The following KCNK13 variants were observed in gnomAD, a reference collection of about 807,000 sequenced individuals.
KCNK13 encodes potassium channel subfamily K member 13.
Under a neutral mutation model 23.4 loss-of-function variants are expected in KCNK13, and 12 were observed. The ratio of observed to expected loss-of-function variants is 0.51; its 90% CI spans 0.33 to 0.83. KCNK13 has a LOEUF of 0.83. Among genes scored for constraint, KCNK13 ranks in the 40% least tolerant of loss-of-function variants. KCNK13 has a pLI of 0.02. For missense variants in KCNK13, 463 were observed against 556.3 expected, an observed-to-expected ratio of 0.83 and a Z score of 1.69; for synonymous variants, 231 against 229.5, an observed-to-expected ratio of 1.01 and a Z score of -0.06.
At chr14:90,178,633 A>G (rs1197153818) in intron 1 of KCNK13, among the ~76,000 whole-genome samples, 1 of 152,114 alleles carries the variant, frequency 6.6e-6, no homozygotes, top group Non-Finnish European at 1.5e-5. Context: ...AAAATATCTC[A>G]TGATACACCT....
intron 1 of KCNK13, among the ~76,000 whole-genome samples, chr14:90,137,572 C>T (rs952405822): frequency 6.6e-6 from 1 of 152,140 alleles, no homozygotes; most frequent in Non-Finnish European, 1.5e-5. Context: ...CCACCCACCT[C>T]GGCCTCCCAA....
chr14:90,129,221 T>G (rs910285439), intron 1 of KCNK13, among the ~76,000 whole-genome samples: 5 of 152,222 alleles, frequency 3.3e-5, no homozygotes, highest in Admixed American at 6.5e-5. Context: ...TGCTATCATA[T>G]GAATATTCCA....
At chr14:90,064,667 G>A (rs942627132) in intron 1 of KCNK13, among the ~76,000 whole-genome samples, 3 of 152,134 alleles carry the variant, frequency 2.0e-5, no homozygotes, top group Non-Finnish European at 2.9e-5. Flanking sequence ...TGCTCCCTCC[G>A]TCTGCGTAAG....
At chr14:90,116,791 A>C (rs1319510457) in intron 1 of KCNK13, among the ~76,000 whole-genome samples, 1 of 152,188 alleles carries the variant, frequency 6.6e-6, no homozygotes. Context: ...GTTGCAAGCA[A>C]ATGCGCTCAT....
intron 1 of KCNK13, among the ~76,000 whole-genome samples, chr14:90,170,324 C>T (rs1890350429): frequency 6.6e-6 from 1 of 152,142 alleles, no homozygotes; most frequent in African/African-American, 2.4e-5. Context: ...GGTGATTCTC[C>T]TGCCTCAGCC....
intron 1 of KCNK13, among the ~76,000 whole-genome samples, chr14:90,076,559 G>A (rs371350419): frequency 2.6e-5 from 4 of 151,966 alleles, no homozygotes; most frequent in African/African-American, 7.3e-5. Context: ...TCTCATTGGC[G>A]CAAACCATGT....
At chr14:90,108,086 G>A in intron 1 of KCNK13, 2 of 483,770 alleles carry the variant, frequency 4.1e-6, no homozygotes, top group South Asian at 2.4e-5. Flanking sequence ...GAATTTGGGG[G>A]GCACAAACAG....
At chr14:90,079,597 T>G (rs1206471942) in intron 1 of KCNK13, among the ~76,000 whole-genome samples, 1 of 151,814 alleles carries the variant, frequency 6.6e-6, no homozygotes, top group Non-Finnish European at 1.5e-5. Context: ...GCTCAAGGGG[T>G]TTAGAGGAAT....
intron 1 of KCNK13, among the ~76,000 whole-genome samples, chr14:90,124,073 T>C (rs1889769085): frequency 1.3e-5 from 2 of 152,220 alleles, no homozygotes; most frequent in Admixed American, 6.5e-5. Context: ...GCTGCTTTCA[T>C]TATCCTACAC....
At chr14:90,132,917 C>T (rs1889892319) in intron 1 of KCNK13, among the ~76,000 whole-genome samples, 1 of 152,190 alleles carries the variant, frequency 6.6e-6, no homozygotes, top group Non-Finnish European at 1.5e-5. Flanking sequence ...ACCTTTCCTG[C>T]CTTGCCTCAC....
At chr14:90,172,485 G>A (rs1359319949) in intron 1 of KCNK13, among the ~76,000 whole-genome samples, 3 of 152,060 alleles carry the variant, frequency 2.0e-5, no homozygotes, top group Non-Finnish European at 2.9e-5. Flanking sequence ...TATAGCTTTC[G>A]ATTATAGGAT....
At chr14:90,171,004 C>G (rs968079012) in intron 1 of KCNK13, among the ~76,000 whole-genome samples, 1 of 152,166 alleles carries the variant, frequency 6.6e-6, no homozygotes, top group African/African-American at 2.4e-5. Context: ...GCAGGTTTGC[C>G]GGACCCAGTT....
At chr14:90,086,301 T>G (rs1421743439) in intron 1 of KCNK13, among the ~76,000 whole-genome samples, 1 of 152,192 alleles carries the variant, frequency 6.6e-6, no homozygotes, top group African/African-American at 2.4e-5. Flanking sequence ...TAGATAAACT[T>G]TCATCCTATG....
chr14:90,140,212 C>T (rs12887059), intron 1 of KCNK13, among the ~76,000 whole-genome samples: 55,073 of 151,894 alleles, frequency 0.36, 10,772 homozygotes, highest in African/African-American at 0.47. Context: ...AGAAAAACCA[C>T]ACCTCAGAGC....
At chr14:90,119,856 T>C (rs144879934) in intron 1 of KCNK13, among the ~76,000 whole-genome samples, 280 of 152,316 alleles carry the variant, frequency 1.8e-3, no homozygotes, top group African/African-American at 6.2e-3. Context: ...CACCTTGGCA[T>C]CGCAGAGTGC....
intron 1 of KCNK13, among the ~76,000 whole-genome samples, chr14:90,138,135 T>A (rs1177169562): frequency 6.6e-6 from 1 of 152,258 alleles, no homozygotes; most frequent in Non-Finnish European, 1.5e-5. Context: ...GCTTTTTATT[T>A]CCATGCTATT....
chr14:90,077,263 G>A (rs1039720613), intron 1 of KCNK13, among the ~76,000 whole-genome samples: 3 of 151,752 alleles, frequency 2.0e-5, no homozygotes, highest in Non-Finnish European at 4.4e-5. Context: ...GGGATTACAG[G>A]CACTCACCAC....
At chr14:90,124,666 G>A (rs954299836) in intron 1 of KCNK13, among the ~76,000 whole-genome samples, 5 of 152,194 alleles carry the variant, frequency 3.3e-5, no homozygotes, top group African/African-American at 7.2e-5. Flanking sequence ...AGTTATTCTC[G>A]CCTAAGATCT....
chr14:90,067,715 G>T (rs1483492377), intron 1 of KCNK13, among the ~76,000 whole-genome samples: 3 of 152,154 alleles, frequency 2.0e-5, no homozygotes, highest in Non-Finnish European at 4.4e-5. Context: ...GTGAAACAGG[G>T]ATAAACTTAA....
Sources: gnomAD v4.1 joint callset for allele counts (sites outside exome capture counted in the v4.1 genomes callset) on GRCh38, gnomAD v4.1.1 for gene constraint, MANE v1.5 for transcripts, NCBI Gene and HGNC (gene_info 2026-07-23, HGNC 2026-07-21) for gene names.